ABCA13: variants seen among roughly 807,000 people sequenced by gnomAD.
The protein encoded by ABCA13 is ATP-binding cassette sub-family A member 13.
In ABCA13, 476 loss-of-function variants were observed where a neutral mutation model predicts 478.7. That is an observed-to-expected ratio of 0.99 (90% CI 0.92 to 1.07). The LOEUF (loss-of-function observed/expected upper bound fraction) is 1.07, where lower values mean the gene tolerates loss of function less well. ABCA13 is among the 50% of genes least tolerant of loss of function. ABCA13 has a pLI of 0.00. For synonymous variants in ABCA13, 2,252 were observed against 2,158.9 expected (o/e 1.04, Z -1.20); for missense variants, 6,060 against 5,910.6 (o/e 1.03, Z -0.83).
chr7:48,591,982 C>G (rs1585908261), intron 57 of ABCA13, among the ~76,000 whole-genome samples: 1 of 151,886 alleles, frequency 6.6e-6, no homozygotes, highest in East Asian at 1.9e-4. Context: ...GTTAGGACTT[C>G]TAGTATTATG....
chr7:48,527,329 G>C (rs1055703235), intron 54 of ABCA13, among the ~76,000 whole-genome samples: 11 of 152,042 alleles, frequency 7.2e-5, no homozygotes, highest in Non-Finnish European at 4.4e-5. Flanking sequence ...TCCAAAATAG[G>C]GTGAGGTGAT....
At chr7:48,622,699 G>C (rs1036381861) in intron 59 of ABCA13, among the ~76,000 whole-genome samples, 1 of 152,056 alleles carries the variant, frequency 6.6e-6, no homozygotes, top group African/African-American at 2.4e-5. Flanking sequence ...AGATTATCTA[G>C]CAATCTGGAT....
intron 15 of ABCA13, among the ~76,000 whole-genome samples, chr7:48,254,439 T>A (rs1793079205): frequency 6.6e-6 from 1 of 152,116 alleles, no homozygotes; most frequent in South Asian, 2.1e-4. Context: ...AATTTTTTTA[T>A]TTTATTTTTT....
chr7:48,601,151 A>AT (rs964394527), intron 58 of ABCA13, among the ~76,000 whole-genome samples: 11 of 139,756 alleles, frequency 7.9e-5, no homozygotes, highest in East Asian at 3.9e-4. Context: ...TAACTGATTT[A>AT]TTTTTTTTAT....
At chr7:48,505,423 C>T (rs922055972) in intron 48 of ABCA13, among the ~76,000 whole-genome samples, 33 of 151,924 alleles carry the variant, frequency 2.2e-4, no homozygotes, top group Admixed American at 5.9e-4. Context: ...TAAGATAATA[C>T]CGATAAGATG....
intron 29 of ABCA13, among the ~76,000 whole-genome samples, chr7:48,339,478 A>G (rs534316865): frequency 6.6e-6 from 1 of 152,208 alleles, no homozygotes; most frequent in Non-Finnish European, 1.5e-5. Context: ...TGGAACGCAG[A>G]TGTCTCCTGA....
At chr7:48,601,189 C>T (rs1269969849) in intron 58 of ABCA13, among the ~76,000 whole-genome samples, 9 of 151,922 alleles carry the variant, frequency 5.9e-5, no homozygotes, top group Admixed American at 3.3e-4. Context: ...TCAGAATCCC[C>T]ACTTACTAAT....
At chr7:48,262,203 T>C (rs975336634) in intron 15 of ABCA13, among the ~76,000 whole-genome samples, 1 of 151,958 alleles carries the variant, frequency 6.6e-6, no homozygotes, top group Non-Finnish European at 1.5e-5. Context: ...CCATCAGCTG[T>C]GTCTATTACT....
intron 15 of ABCA13, among the ~76,000 whole-genome samples, chr7:48,261,839 T>C (rs910511259): frequency 1.3e-5 from 2 of 151,972 alleles, no homozygotes; most frequent in African/African-American, 4.8e-5. Flanking sequence ...GGCTGTTCAT[T>C]CATATTTAAA....
chr7:48,297,628 T>C (rs1478941443), intron 22 of ABCA13, among the ~76,000 whole-genome samples: 1 of 152,168 alleles, frequency 6.6e-6, no homozygotes, highest in African/African-American at 2.4e-5. Context: ...ATGAAGCTTC[T>C]TGTAGCATTA....
chr7:48,234,253 G>A (rs927853621), intron 8 of ABCA13, 102 bp downstream of exon 8: 5 of 1,536,866 alleles, frequency 3.3e-6, no homozygotes, highest in Non-Finnish European at 4.5e-6. Context: ...GGGAGAGGCA[G>A]CCAGACAGGA....
At chr7:48,503,386 A>G (rs1248390698) in intron 48 of ABCA13, among the ~76,000 whole-genome samples, 3 of 152,288 alleles carry the variant, frequency 2.0e-5, no homozygotes, top group East Asian at 1.9e-4. Context: ...TACCATGCCC[A>G]GGCTTTATTT....
At chr7:48,331,981 C>T (rs1436628729) in intron 27 of ABCA13, among the ~76,000 whole-genome samples, 2 of 152,192 alleles carry the variant, frequency 1.3e-5, no homozygotes, top group African/African-American at 4.8e-5. Flanking sequence ...TTGTTGTATA[C>T]ATGGAATTAT....
chr7:48,180,733 G>C (rs1469171119), intron 1 of ABCA13, among the ~76,000 whole-genome samples: 3 of 151,990 alleles, frequency 2.0e-5, no homozygotes, highest in African/African-American at 7.2e-5. Context: ...GGCCGATGCT[G>C]GACATCTCTT....
At chr7:48,547,099 C>A (rs1400266707) in intron 55 of ABCA13, among the ~76,000 whole-genome samples, 1 of 151,824 alleles carries the variant, frequency 6.6e-6, no homozygotes, top group East Asian at 1.9e-4. Flanking sequence ...TTGTATGTAT[C>A]AATTATCTGT....
intron 45 of ABCA13, among the ~76,000 whole-genome samples, chr7:48,477,089 A>G (rs910962862): frequency 3.3e-5 from 5 of 152,182 alleles, no homozygotes; most frequent in Admixed American, 3.3e-4. Flanking sequence ...AGTAGCATTT[A>G]AAGAGTCCAG....
At chr7:48,294,737 C>T (rs1389425849) in intron 20 of ABCA13, among the ~76,000 whole-genome samples, 5 of 152,240 alleles carry the variant, frequency 3.3e-5, no homozygotes, top group Non-Finnish European at 7.4e-5. Flanking sequence ...TGAGCCACCG[C>T]GCCCGGCCCG....
chr7:48,257,247 TC>T (rs1793529243), intron 15 of ABCA13, among the ~76,000 whole-genome samples: 1 of 152,146 alleles, frequency 6.6e-6, no homozygotes, highest in African/African-American at 2.4e-5. Flanking sequence ...GATAAAACTA[TC>T]CCTGTTTGGA....
intron 29 of ABCA13, among the ~76,000 whole-genome samples, chr7:48,339,776 T>C (rs1391514588): frequency 6.6e-6 from 1 of 152,176 alleles, no homozygotes; most frequent in Non-Finnish European, 1.5e-5. Context: ...TTGAAGACCA[T>C]ATCATCCAGG....
Sources: allele counts gnomAD v4.1 joint callset (sites outside exome capture counted in the v4.1 genomes callset), GRCh38; gene constraint gnomAD v4.1.1; transcripts MANE v1.5; gene names NCBI Gene and HGNC (gene_info 2026-07-23, HGNC 2026-07-21).